The following DLG2 variants were observed in gnomAD, a reference collection of about 807,000 sequenced individuals.
The protein encoded by DLG2 is discs large MAGUK scaffold protein 2.
DLG2 carries 45 observed loss-of-function variants against 132.5 expected under a neutral mutation model. The ratio of observed to expected loss-of-function variants is 0.34; its 90% CI spans 0.27 to 0.44. The LOEUF (loss-of-function observed/expected upper bound fraction) is 0.44, where lower values mean the gene tolerates loss of function less well. Ranked by LOEUF, DLG2 falls within the 20% of genes least tolerant of loss-of-function variation. The pLI, the probability that DLG2 is intolerant of heterozygous loss-of-function variation, is 1.00. For synonymous variants in DLG2, 424 were observed against 419.6 expected (o/e 1.01, Z -0.13); for missense variants, 1,045 against 1,196.9 (o/e 0.87, Z 1.87).
At chr11:85,191,162 G>GCACACA (rs3067460) in intron 4 of DLG2, among the ~76,000 whole-genome samples, 11,670 of 139,712 alleles carry the variant, frequency 0.084, 518 homozygotes, top group South Asian at 0.12. Flanking sequence ...GCGCACGCGC[G>GCACACA]CACACACACA....
intron 7 of DLG2, among the ~76,000 whole-genome samples, chr11:84,299,082 T>G (rs1250764678): frequency 1.3e-5 from 2 of 152,204 alleles, no homozygotes; most frequent in African/African-American, 4.8e-5. Context: ...TACCAGTCTC[T>G]TGGAGATATA....
chr11:84,696,636 A>G (rs922311288), intron 6 of DLG2, among the ~76,000 whole-genome samples: 16 of 151,528 alleles, frequency 1.1e-4, no homozygotes, highest in African/African-American at 3.9e-4. Context: ...CAAAAACAAG[A>G]CAGACTGTCA....
chr11:85,353,020 C>G (rs1372901346), intron 3 of DLG2, among the ~76,000 whole-genome samples: 2 of 152,080 alleles, frequency 1.3e-5, no homozygotes, highest in African/African-American at 4.8e-5. Context: ...TTCTGCACAG[C>G]AAAAGAAGCT....
rs1165328972 is a variant in DLG2 at position 83,484,121 on chromosome 11, C to CTACT, written c.2293+4_2293+7dup. 6.2e-7 allele frequency: 1 copy of CTACT among 1,608,834 alleles called. No individual in the cohort carries two copies. ...TGCATGTGACATTATCTTTCAGAAT[C>CTACT]TACTTACGTTCAGGATCACTGGTTT... On this transcript the variant is annotated splice_region_variant and intron_variant, in intron 22 of 27. Coordinates refer to ENST00000376104, the MANE Select transcript of DLG2 (RefSeq NM_001142699.3).
Position 83,930,239 on chromosome 11 carries a change from G to C in DLG2, c.1496+89C>G, listed in dbSNP as rs2079888334. 2.8e-6 allele frequency: 4 copies of C among 1,442,154 alleles called. No homozygotes were observed. In the Admixed American group the frequency reaches 7.2e-5, roughly 26 times the overall value. The allele number at this position is 1,442,154 out of a possible 1,614,324, so 89.3% of individuals were successfully genotyped here. A position where few individuals can be genotyped will look rare whatever the true frequency, so the allele number is the denominator to read the frequency against. On this transcript the variant is annotated intron_variant, in intron 15 of 27. Transcript: ENST00000376104. ...ACTTTGGGGAAGATGTTTAGTGCAA[G>C]AGAAGTGAGCAGAGGCGGATTCTAC...
intron 21 of DLG2, among the ~76,000 whole-genome samples, chr11:83,511,988 A>G (rs1157855573): frequency 1.3e-5 from 2 of 152,192 alleles, no homozygotes; most frequent in African/African-American, 2.4e-5. Context: ...CAAAGGGAAG[A>G]GCTCACAGTG....
chr11:83,938,731 A>G (rs948206739), intron 14 of DLG2, among the ~76,000 whole-genome samples: 5 of 152,198 alleles, frequency 3.3e-5, no homozygotes, highest in African/African-American at 9.7e-5. Flanking sequence ...TTGTTGAACA[A>G]ACATTTTGTT....
At chr11:83,480,276 T>A in intron 22 of DLG2, 1 of 938,314 alleles carries the variant, frequency 1.1e-6, no homozygotes, top group Non-Finnish European at 1.6e-6. Context: ...TGATAAAAGG[T>A]AGCAATTGAA....
At chr11:83,756,077 A>C (rs2093631904) in intron 18 of DLG2, among the ~76,000 whole-genome samples, 1 of 151,432 alleles carries the variant, frequency 6.6e-6, no homozygotes, top group Non-Finnish European at 1.5e-5. Context: ...GCTTTACTTT[A>C]TAAGCTCTAG....
At chr11:84,787,778 C>A (rs756878835) in intron 6 of DLG2, among the ~76,000 whole-genome samples, 4 of 151,958 alleles carry the variant, frequency 2.6e-5, no homozygotes, top group African/African-American at 9.7e-5. Flanking sequence ...ACTAGTGGTT[C>A]ATACAAAATT....
intron 3 of DLG2, among the ~76,000 whole-genome samples, chr11:85,347,243 C>T (rs2082910654): frequency 1.3e-5 from 2 of 151,972 alleles, no homozygotes; most frequent in South Asian, 2.1e-4. Context: ...AATCATGCTC[C>T]CCCTAAGCTT....
intron 6 of DLG2, among the ~76,000 whole-genome samples, chr11:84,845,109 T>C (rs2081290132): frequency 6.6e-6 from 1 of 152,098 alleles, no homozygotes; most frequent in South Asian, 2.1e-4. Context: ...TAGAATATTC[T>C]CAGTTAACCT....
In DLG2 at chr11:85,562,480, T is replaced by C. The variant is rs553669637; in HGVS notation, c.40+36177A>G. Among the ~76,000 whole-genome samples the C allele has an allele frequency of 1.1e-4, 17 of 151,874 alleles. No individual in the cohort carries two copies. The South Asian group carries it at 3.5e-3, about 32-fold the overall frequency. ...CCTCAAAACGAACTCCTTAAAGTAT[T>C]AGTATCTTCAATTTGCATATTAAAA... On this transcript the variant is annotated intron_variant, in intron 3 of 27. Transcript: ENST00000376104.
chr11:85,086,986 T>C (rs1489517979), intron 6 of DLG2, among the ~76,000 whole-genome samples: 2 of 152,224 alleles, frequency 1.3e-5, no homozygotes, highest in Non-Finnish European at 2.9e-5. Flanking sequence ...CATTTCCATA[T>C]GTTATTTTCT....
intron 6 of DLG2, among the ~76,000 whole-genome samples, chr11:85,104,503 G>C (rs1432549156): frequency 3.3e-5 from 5 of 151,870 alleles, no homozygotes; most frequent in African/African-American, 1.2e-4. Flanking sequence ...TCTAGAAAGG[G>C]CAAATCCATA....
intron 6 of DLG2, among the ~76,000 whole-genome samples, chr11:84,894,802 G>A (rs1428843075): frequency 6.6e-6 from 1 of 152,154 alleles, no homozygotes; most frequent in East Asian, 1.9e-4. Flanking sequence ...CATGCTCAGA[G>A]ATGCTAAGAC....
intron 5 of DLG2, among the ~76,000 whole-genome samples, chr11:85,121,657 G>GTAA (rs2074333132): frequency 9.9e-5 from 15 of 151,894 alleles, no homozygotes; most frequent in Admixed American, 9.8e-4. Context: ...TGTATATAAG[G>GTAA]AATTTTACCT....
In DLG2 at chr11:83,625,146, C is replaced by T. The variant is rs541623979; in HGVS notation, c.1940+8065G>A. ...CTGTCAGCTAGCCCTGTGCCAAGTA[C>T]TGGGCAGGGGGGTGCACACAGCTAA... On this transcript the variant is annotated intron_variant, in intron 19 of 27. Coordinates refer to ENST00000376104, the MANE Select transcript of DLG2 (RefSeq NM_001142699.3). 8.8e-4 allele frequency among the ~76,000 whole-genome samples: 134 copies of T among 152,304 alleles called. 1 individual carries two copies. The highest frequency in any genetic ancestry group is 8.7e-3 in the South Asian group (42 of 4,828).
intron 6 of DLG2, among the ~76,000 whole-genome samples, chr11:84,932,732 A>G (rs2048248293): frequency 6.6e-6 from 1 of 152,042 alleles, no homozygotes; most frequent in Admixed American, 6.6e-5. Flanking sequence ...TGGTATATAT[A>G]TATATACTAC....
Sources: gnomAD v4.1 joint callset for allele counts (sites outside exome capture counted in the v4.1 genomes callset) on GRCh38, gnomAD v4.1.1 for gene constraint, MANE v1.5 for transcripts, NCBI Gene and HGNC (gene_info 2026-07-23, HGNC 2026-07-21) for gene names.